Variants in ITPRID2 observed in about 807,000 individuals in gnomAD.
The protein encoded by ITPRID2 is protein ITPRID2.
Under a neutral mutation model 124.3 loss-of-function variants are expected in ITPRID2, and 60 were observed. The ratio of observed to expected loss-of-function variants is 0.48; its 90% CI spans 0.39 to 0.60. ITPRID2 has a LOEUF of 0.60. Among genes scored for constraint, ITPRID2 ranks in the 20% least tolerant of loss-of-function variants. The pLI is 0.00. For synonymous variants in ITPRID2, 521 were observed against 542.9 expected, an observed-to-expected ratio of 0.96 and a Z score of 0.56; for missense variants, 1,553 against 1,512.2, an observed-to-expected ratio of 1.03 and a Z score of -0.45.
intron 17 of ITPRID2, among the ~76,000 whole-genome samples, chr2:181,928,489 T>TATTG (rs1695030137): frequency 6.6e-6 from 1 of 152,238 alleles, no homozygotes; most frequent in Non-Finnish European, 1.5e-5. Context: ...GAATTACTTA[T>TATTG]ATTGGGTCAT....
intron 11 of ITPRID2, chr2:181,917,250 G>A (rs1258697406): frequency 6.5e-6 from 1 of 153,690 alleles, no homozygotes; most frequent in African/African-American, 2.4e-5. Context: ...AGAGTCAGGA[G>A]GCCTAGAATG....
Position 181,918,675 on chromosome 2 carries a change from A to G in ITPRID2, c.2865A>G (p.Glu955=), listed in dbSNP as rs757974770. Residue 955 remains glutamate (E), a splice_region_variant and synonymous_variant, in exon 12 of 18, where the codon GAA becomes GAG. Coordinates refer to ENST00000431877, the MANE Select transcript of ITPRID2 (RefSeq NM_001130445.3). The part of the protein sequence containing the change: ...TQKSSVLPLY[E]NTFQELQVMR... Reference sequence around the variant, plus strand: ...AATCATCTGTTCTACCTCTTTATGAAGTAAGTTCTTTCTTACATCTTTGTG... The same window carrying G: ...AATCATCTGTTCTACCTCTTTATGAGGTAAGTTCTTTCTTACATCTTTGTG... 6.2e-7 allele frequency: 1 copy of G among 1,613,946 alleles called. No individual in the cohort carries two copies. Among genetic ancestry groups the G allele is most frequent in the South Asian group, 1.1e-5 (1 of 91,036 alleles).
At position 181,929,984 on chromosome 2, in the gene ITPRID2, T is replaced by C. The variant is rs183286097; in HGVS notation, c.*437T>C. 153 of 163,052 alleles carry C rather than the reference T, an allele frequency of 9.4e-4. No individual in the cohort carries two copies. The highest frequency in any genetic ancestry group is 1.0e-3 in the Non-Finnish European group (77 of 75,180). The allele number at this position is 163,052 out of a possible 1,614,324, so 10.1% of individuals were successfully genotyped here. A position where few individuals can be genotyped will look rare whatever the true frequency, so the allele number is the denominator to read the frequency against. ...TCAGAGCTTGAAGCATCCAATGATTTTTCCCTCCACTGCTGTTAATTAATG... is the reference window on the plus strand; with the variant it reads ...TCAGAGCTTGAAGCATCCAATGATTCTTCCCTCCACTGCTGTTAATTAATG... On this transcript the variant is annotated 3_prime_UTR_variant, in exon 18 of 18. Transcript: ENST00000431877.
chr2:181,917,659 T>G (rs1694175458), intron 11 of ITPRID2: 1 of 152,508 alleles, frequency 6.6e-6, no homozygotes, highest in Admixed American at 6.5e-5. Context: ...GGACAGGTGC[T>G]TTCTATGATG....
At chr2:181,921,443 A>T (rs1694474788) in intron 15 of ITPRID2, among the ~76,000 whole-genome samples, 1 of 151,850 alleles carries the variant, frequency 6.6e-6, no homozygotes, top group African/African-American at 2.4e-5. Context: ...AAGCCATTGC[A>T]CTCCAGCCTG....
chr2:181,919,508 T>C lies in ITPRID2; in HGVS notation c.3144+62T>C. 6.8e-7 allele frequency: 1 copy of C among 1,466,358 alleles called. No individual in the cohort carries two copies. Among genetic ancestry groups the C allele is most frequent in the Non-Finnish European group, 9.0e-7 (1 of 1,110,738 alleles). The allele number at this position is 1,466,358 out of a possible 1,614,324, so 90.8% of individuals were successfully genotyped here. On this transcript the variant is annotated intron_variant, in intron 14 of 17. Coordinates refer to ENST00000431877, the MANE Select transcript of ITPRID2 (RefSeq NM_001130445.3). This position sits in a 1 kb window ranked among gnomAD's most constrained non-coding sequence, Gnocchi z 4.2. Reference sequence around the variant, plus strand: ...AGGTTTATTTATAATGTTCCAATAATTTAGGACGTGTGCCTTCATTTCAAG... The same window carrying C: ...AGGTTTATTTATAATGTTCCAATAACTTAGGACGTGTGCCTTCATTTCAAG...
intron 10 of ITPRID2, among the ~76,000 whole-genome samples, 196 bp downstream of exon 10, chr2:181,914,129 G>A (rs1209601114): frequency 1.3e-5 from 2 of 152,134 alleles, no homozygotes; most frequent in Non-Finnish European, 2.9e-5. Flanking sequence ...CTCTGAATAT[G>A]TTTTTAAAAA....
At position 181,902,784 on chromosome 2, in the gene ITPRID2, A is replaced by T. The variant is rs1373299970; in HGVS notation, c.1413+318A>T. On this transcript the variant is annotated intron_variant, in intron 8 of 17. Coordinates refer to ENST00000431877, the MANE Select transcript of ITPRID2 (RefSeq NM_001130445.3). The surrounding 1 kb of genome is among the most constrained non-coding windows in gnomAD (Gnocchi z 4.4). ...AGAGTATATTTAAATTCAAAGCAAT[A>T]TTGCATAATAGTTAGAAACACAGGC... Among the ~76,000 whole-genome samples, 2 of 152,210 alleles carry T rather than the reference A, an allele frequency of 1.3e-5. No homozygotes were observed. The highest frequency in any genetic ancestry group is 2.9e-5 in the Non-Finnish European group (2 of 68,026).
In ITPRID2 at chr2:181,907,943, A is replaced by T. The variant is rs1253522670; in HGVS notation, c.1414-1956A>T. On this transcript the variant is annotated intron_variant, in intron 8 of 17. Coordinates refer to ENST00000431877, the MANE Select transcript of ITPRID2 (RefSeq NM_001130445.3). This position sits in a 1 kb window ranked among gnomAD's most constrained non-coding sequence, Gnocchi z 5.1. ...ATTATGGAGTTTGTAGTAAAAGGAG[A>T]GAGTAGATTTGTTTTTGCCATTGAG... Among the ~76,000 whole-genome samples, 1 of 152,162 alleles carries T rather than the reference A, an allele frequency of 6.6e-6. No homozygotes were observed. Among genetic ancestry groups the T allele is most frequent in the Non-Finnish European group, 1.5e-5 (1 of 68,038 alleles).
Position 181,896,910 on chromosome 2 carries a change from G to A in ITPRID2, c.310G>A (p.Val104Met). 1.2e-6 allele frequency: 2 copies of A among 1,612,460 alleles called. No homozygotes were observed. The highest frequency in any genetic ancestry group is 1.1e-5 in the South Asian group (1 of 91,016). ...GAGTTTTCAAATGTGTCTTTCAGGT[G>A]TGCTTGTGAGAAATGGAGGAAGTTT... ...DEQSSSTLKG[V>M]LVRNGGSFED... Residue 104 changes from valine to methionine, a missense_variant and splice_region_variant, in exon 4 of 18, where the codon GTG becomes ATG. Coordinates refer to ENST00000431877, the MANE Select transcript of ITPRID2 (RefSeq NM_001130445.3). This position sits in a 1 kb window ranked among gnomAD's most constrained non-coding sequence, Gnocchi z 4.3.
chr2:181,919,639 A>C lies in ITPRID2; in HGVS notation c.3144+193A>C, dbSNP rs1201148774. 2.0e-5 allele frequency among the ~76,000 whole-genome samples: 3 copies of C among 152,078 alleles called. No homozygotes were observed. The highest frequency in any genetic ancestry group is 7.3e-5 in the African/African-American group (3 of 41,322). ...TAATTGTCATAAATAGTATATTTAG[A>C]AATATGTTGAAAATTTTTAATGATA... On this transcript the variant is annotated intron_variant, in intron 14 of 17. Coordinates refer to ENST00000431877, the MANE Select transcript of ITPRID2 (RefSeq NM_001130445.3). This position sits in a 1 kb window ranked among gnomAD's most constrained non-coding sequence, Gnocchi z 4.2.
At position 181,892,034 on chromosome 2, in the gene ITPRID2, T is replaced by A. The variant is rs1259951896; in HGVS notation, c.-33T>A. On this transcript the variant is annotated 5_prime_UTR_variant, in exon 1 of 18. Transcript: ENST00000431877. The surrounding 1 kb of genome is among the most constrained non-coding windows in gnomAD (Gnocchi z 5.2). ...TGCCGCCGCCTTGTCTCGCGCAGGG[T>A]CCGGCTGGGGTAGCGGAGCCCCCAG... 5 of 1,543,762 alleles carry A rather than the reference T, an allele frequency of 3.2e-6. No individual in the cohort carries two copies. The highest frequency in any genetic ancestry group is 4.4e-6 in the Non-Finnish European group (5 of 1,144,314).
At chr2:181,898,675 A>G (rs536153659) in intron 4 of ITPRID2, among the ~76,000 whole-genome samples, 1 of 152,192 alleles carries the variant, frequency 6.6e-6, no homozygotes, top group South Asian at 2.1e-4. Flanking sequence ...CACAACACAA[A>G]AACACCCTTC....
At position 181,922,084 on chromosome 2, in the gene ITPRID2, T is replaced by A. The variant is rs1162141185; in HGVS notation, c.3347T>A (p.Val1116Glu). 6.2e-7 allele frequency: 1 copy of A among 1,614,246 alleles called. No individual in the cohort carries two copies. The highest frequency in any genetic ancestry group is 1.7e-5 in the Admixed American group (1 of 60,026). ...CAAGCAACATCAGAATCATCTTCTG[T>A]ATGTTCTGGTCCCTCTCATGCTAAC... Reference protein sequence around the residue: ...FSQATSESSSVCSGPSHANRR... With the variant: ...FSQATSESSSECSGPSHANRR... Residue 1116 changes from valine to glutamate, a missense_variant, in exon 16 of 18, where the codon GTA becomes GAA. By Grantham distance (121) the Val-to-Glu change is moderately radical. Coordinates refer to ENST00000431877, the MANE Select transcript of ITPRID2 (RefSeq NM_001130445.3).
intron 11 of ITPRID2, chr2:181,917,228 A>G (rs2125101676): frequency 6.4e-6 from 1 of 156,936 alleles, no homozygotes; most frequent in South Asian, 2.0e-4. Flanking sequence ...TAGTCATGAG[A>G]GCATTCAACA....
intron 16 of ITPRID2, 150 bp downstream of exon 16, chr2:181,922,562 G>A (rs1694559512): frequency 2.5e-6 from 2 of 795,560 alleles, no homozygotes; most frequent in South Asian, 4.0e-5. Context: ...TGTTGATCAA[G>A]TTTGTGTCAA....
chr2:181,907,188 T>TA lies in ITPRID2; in HGVS notation c.1414-2710dup, dbSNP rs1693201688. ...AGTATTGTGCCTAGAAGATCCCTCT[T>TA]AGTCAAGGTAAACATGACAGCTGTT... On this transcript the variant is annotated intron_variant, in intron 8 of 17. Transcript: ENST00000431877. This position sits in a 1 kb window ranked among gnomAD's most constrained non-coding sequence, Gnocchi z 5.1. Among the ~76,000 whole-genome samples the TA allele has an allele frequency of 6.6e-6, 1 of 152,190 alleles. No individual in the cohort carries two copies. The highest frequency in any genetic ancestry group is 1.5e-5 in the Non-Finnish European group (1 of 68,016).
intron 2 of ITPRID2, chr2:181,893,061 C>T (rs1036677217): frequency 1.1e-4 from 24 of 225,026 alleles, no homozygotes; most frequent in African/African-American, 5.1e-4. Context: ...GTGTTTTAGA[C>T]GAGTTTAATT....
At chr2:181,912,477 A>G (rs1010235361) in intron 9 of ITPRID2, among the ~76,000 whole-genome samples, 10 of 152,240 alleles carry the variant, frequency 6.6e-5, no homozygotes, top group African/African-American at 2.4e-4. Flanking sequence ...TCAAAATGAT[A>G]TTACAAAATT....
Sources: allele counts gnomAD v4.1 joint callset (sites outside exome capture counted in the v4.1 genomes callset), GRCh38; gene constraint gnomAD v4.1.1; non-coding constraint Gnocchi (gnomAD v3.1); transcripts MANE v1.5; gene names NCBI Gene and HGNC (gene_info 2026-07-23, HGNC 2026-07-21).